Variants in HEATR4 observed in about 807,000 individuals in gnomAD.
HEATR4 encodes HEAT repeat-containing protein 4.
Under a neutral mutation model 108.8 loss-of-function variants are expected in HEATR4, and 95 were observed. The observed-to-expected ratio is 0.87, with a 90% CI of 0.74 to 1.04. The LOEUF (loss-of-function observed/expected upper bound fraction) is 1.04. Among genes scored for constraint, HEATR4 ranks in the 50% least tolerant of loss-of-function variants. HEATR4 has a pLI of 0.00. For missense variants in HEATR4, 1,152 were observed against 1,253.8 expected (o/e 0.92, Z 1.23); for synonymous variants, 443 against 459.4 (o/e 0.96, Z 0.46).
the HEATR4 span, chr14:73,591,933 C>G: frequency 7.4e-7 from 1 of 1,360,024 alleles, no homozygotes; most frequent in Non-Finnish European, 9.5e-7. Flanking sequence ...GGGCCTCGAC[C>G]TTTGAATTCC....
chr14:73,502,892 T>A lies in HEATR4; in HGVS notation c.2105+3A>T, dbSNP rs745764069. The A allele has an allele frequency of 1.9e-6, 3 of 1,607,290 alleles. No homozygotes were observed. In the South Asian group the frequency reaches 3.3e-5, roughly 18 times the overall value. ...GTGTCTCCTCATGTTGACTGGGTCTTACCTGATTATGTCGTGCACCTCTTT... is the reference window on the plus strand; with the variant it reads ...GTGTCTCCTCATGTTGACTGGGTCTAACCTGATTATGTCGTGCACCTCTTT... On this transcript the variant is annotated splice_donor_region_variant and intron_variant, in intron 11 of 17. Transcript: ENST00000553558.
the HEATR4 span, among the ~76,000 whole-genome samples, chr14:73,622,550 A>G: frequency 0.14 from 21,687 of 151,774 alleles, 2,185 homozygotes; most frequent in Non-Finnish European, 0.22. Context: ...TTATAGGCGC[A>G]CCACCACACC....
the HEATR4 span, chr14:73,595,509 T>G: frequency 1.2e-6 from 2 of 1,613,678 alleles, no homozygotes; most frequent in Non-Finnish European, 1.7e-6. Flanking sequence ...CCAGCTTCCC[T>G]TCACAGATTA....
the HEATR4 span, among the ~76,000 whole-genome samples, chr14:73,596,923 G>A: frequency 1.3e-5 from 2 of 151,948 alleles, no homozygotes; most frequent in South Asian, 4.2e-4. Context: ...TAATATAAGC[G>A]TATTTGAAAA....
At chr14:73,562,110 T>C (rs1340615181), upstream of HEATR4, among the ~76,000 whole-genome samples, 3 of 151,944 alleles carry the variant, frequency 2.0e-5, no homozygotes, top group African/African-American at 7.3e-5. Flanking sequence ...CCTAAAGTAG[T>C]CAAATTCAGA....
upstream of HEATR4, among the ~76,000 whole-genome samples, chr14:73,563,046 A>ACTCCCTGTTCTTACCCCCG (rs1566856376): frequency 1.3e-5 from 2 of 150,960 alleles, no homozygotes; most frequent in Non-Finnish European, 1.5e-5. Context: ...CTTTGTACCC[A>ACTCCCTGTTCTTACCCCCG]CTCCCTGTTC....
chr14:73,503,338 A>C (rs915630175), intron 10 of HEATR4, among the ~76,000 whole-genome samples: 3 of 152,168 alleles, frequency 2.0e-5, no homozygotes, highest in African/African-American at 7.2e-5. Flanking sequence ...GGGAGACTTA[A>C]AATTTGAAAG....
chr14:73,614,277 C>T, the HEATR4 span, among the ~76,000 whole-genome samples: 2 of 152,176 alleles, frequency 1.3e-5, no homozygotes, highest in East Asian at 3.8e-4. Flanking sequence ...TGATTATTCT[C>T]CAAAACAAGA....
the HEATR4 span, among the ~76,000 whole-genome samples, chr14:73,591,335 G>A: frequency 2.6e-5 from 4 of 151,782 alleles, no homozygotes; most frequent in African/African-American, 9.7e-5. Flanking sequence ...ATCACTTGAA[G>A]TCAGGAGTTC....
In HEATR4 at chr14:73,540,742, C is replaced by CTTT. The variant is rs200357086; in HGVS notation, c.-151-10501_-151-10499dup. 7.8e-3 allele frequency among the ~76,000 whole-genome samples: 634 copies of CTTT among 81,048 alleles called. 19 individuals carry two copies. The highest frequency in any genetic ancestry group is 0.023 in the African/African-American group (592 of 25,340). 53.2% of individuals were successfully genotyped at this position (81,048 alleles called of 152,430 possible). ...GTGTTGCCTGTAAGGTGTTTGCATT[C>CTTT]TTTTTTTTTTTTTTTTTTTGAGACA... On this transcript the variant is annotated intron_variant, in intron 1 of 17. Coordinates refer to ENST00000553558, the MANE Select transcript of HEATR4 (RefSeq NM_001220484.1).
chr14:73,601,133 T>G, the HEATR4 span, among the ~76,000 whole-genome samples: 1 of 151,986 alleles, frequency 6.6e-6, no homozygotes, highest in Non-Finnish European at 1.5e-5. Flanking sequence ...AGAGTGAGAC[T>G]CTGTCTCCAA....
At chr14:73,586,705 A>G in the HEATR4 span, among the ~76,000 whole-genome samples, 1 of 115,556 alleles carries the variant, frequency 8.7e-6, no homozygotes, top group Non-Finnish European at 1.6e-5. Context: ...TCTGTCTGAA[A>G]AAAAAAAAAA....
chr14:73,569,109 A>T, the HEATR4 span: 1 of 1,083,420 alleles, frequency 9.2e-7, no homozygotes, highest in Admixed American at 2.3e-5. Context: ...GTTTCAACAC[A>T]GGAGACTTTA....
In HEATR4 at chr14:73,523,207, G is replaced by A; in HGVS notation, c.-55C>T. 2 of 1,484,028 alleles carry A rather than the reference G, an allele frequency of 1.3e-6. No homozygotes were observed. Among genetic ancestry groups the A allele is most frequent in the East Asian group, 4.9e-5 (2 of 40,768 alleles). The allele number at this position is 1,484,028 out of a possible 1,614,324, so 91.9% of individuals were successfully genotyped here. The stretch of plus-strand genomic sequence containing the variant: ...ACTGCCTGGCCTAGAGGAAAGGCCT[G>A]GAGATGAGACCTGGCACCTGTTAAG... On this transcript the variant is annotated 5_prime_UTR_variant, in exon 3 of 18. Coordinates refer to ENST00000553558, the MANE Select transcript of HEATR4 (RefSeq NM_001220484.1).
the HEATR4 span, chr14:73,569,372 C>A: frequency 6.2e-7 from 1 of 1,613,988 alleles, no homozygotes; most frequent in Admixed American, 1.7e-5. Context: ...CGGCGCAGTT[C>A]CTGGGGTCTC....
intron 1 of HEATR4, among the ~76,000 whole-genome samples, chr14:73,549,083 T>C (rs1889281758): frequency 8.8e-6 from 1 of 114,198 alleles, no homozygotes. Flanking sequence ...AAATCCAAGA[T>C]CAAGGCACCA....
the HEATR4 span, among the ~76,000 whole-genome samples, chr14:73,629,927 G>T: frequency 6.6e-6 from 1 of 151,558 alleles, no homozygotes; most frequent in African/African-American, 2.4e-5. Context: ...GATTACAGAC[G>T]TGAACCACCA....
the HEATR4 span, among the ~76,000 whole-genome samples, chr14:73,613,737 A>T: frequency 2.6e-3 from 393 of 152,288 alleles, 3 homozygotes; most frequent in African/African-American, 8.4e-3. Context: ...CAGGACAACC[A>T]CCAGAACAAA....
chr14:73,619,069 A>C, the HEATR4 span, among the ~76,000 whole-genome samples: 1 of 152,122 alleles, frequency 6.6e-6, no homozygotes, highest in African/African-American at 2.4e-5. Flanking sequence ...GGTGGAGGTT[A>C]CAGTGAGCCA....
Sources: allele counts gnomAD v4.1 joint callset (sites outside exome capture counted in the v4.1 genomes callset), GRCh38; gene constraint gnomAD v4.1.1; transcripts MANE v1.5; gene names NCBI Gene and HGNC (gene_info 2026-07-23, HGNC 2026-07-21).